Variants in PHF2 observed in about 807,000 individuals in gnomAD.
The protein encoded by PHF2 is PHD finger protein 2.
In PHF2, 27 loss-of-function variants were observed where a neutral mutation model predicts 120.5. The observed-to-expected ratio is 0.22, with a 90% CI of 0.17 to 0.31. The LOEUF is 0.31. Among genes scored for constraint, PHF2 ranks in the 10% least tolerant of loss-of-function variants. The pLI is 1.00. For synonymous variants in PHF2, 568 were observed against 592.5 expected (o/e 0.96, Z 0.60); for missense variants, 1,024 against 1,434.8 (o/e 0.71, Z 4.63).
chr9:93,635,268 A>G (rs1826071619), intron 2 of PHF2, among the ~76,000 whole-genome samples: 1 of 151,970 alleles, frequency 6.6e-6, no homozygotes, highest in Non-Finnish European at 1.5e-5. Context: ...GCTCAGAGAC[A>G]GGCATTGTCA....
intron 2 of PHF2, among the ~76,000 whole-genome samples, chr9:93,631,606 A>G (rs956967736): frequency 3.3e-5 from 5 of 152,294 alleles, no homozygotes; most frequent in African/African-American, 4.8e-5. Context: ...TGGCACCTCA[A>G]TGAGCCCACC....
chr9:93,677,076 C>T lies in PHF2; in HGVS notation c.3202+113C>T, dbSNP rs1826931692. On this transcript the variant is annotated intron_variant, in intron 21 of 21. Coordinates refer to ENST00000359246, the MANE Select transcript of PHF2 (RefSeq NM_005392.4). This position sits in a 1 kb window ranked among gnomAD's most constrained non-coding sequence, Gnocchi z 4.4. The stretch of plus-strand genomic sequence containing the variant: ...AGAGGGCAGCACATTGGGAGGGCTC[C>T]TGGGCCTTGGGTGGCAGGGTGCTGT... 2.5e-6 allele frequency: 3 copies of T among 1,221,580 alleles called. No individual in the cohort carries two copies. The highest frequency in any genetic ancestry group is 5.2e-5 in the East Asian group (2 of 38,504). The allele number at this position is 1,221,580 out of a possible 1,614,324, so 75.7% of individuals were successfully genotyped here.
At chr9:93,638,898 T>G (rs1159680070) in intron 3 of PHF2, among the ~76,000 whole-genome samples, 4 of 152,168 alleles carry the variant, frequency 2.6e-5, no homozygotes, top group Non-Finnish European at 4.4e-5. Flanking sequence ...TTTTGTAGTT[T>G]TAGTAGAGAC....
At position 93,656,431 on chromosome 9, in the gene PHF2, C is replaced by T. The variant is rs1272702916; in HGVS notation, c.1041-58C>T. On this transcript the variant is annotated intron_variant, in intron 8 of 21. Transcript: ENST00000359246. This position sits in a 1 kb window ranked among gnomAD's most constrained non-coding sequence, Gnocchi z 4.1. ...GGTGTGTCTGGGGCCTGGATTGATGCCCAGCGTCGCCTGCTTGATGGTCAG... is the reference window on the plus strand; with the variant it reads ...GGTGTGTCTGGGGCCTGGATTGATGTCCAGCGTCGCCTGCTTGATGGTCAG... 4 of 1,209,962 alleles carry T rather than the reference C, an allele frequency of 3.3e-6. No individual in the cohort carries two copies. The highest frequency in any genetic ancestry group is 4.7e-5 in the East Asian group (2 of 42,762). 75.0% of individuals were successfully genotyped at this position (1,209,962 alleles called of 1,614,324 possible). A position where few individuals can be genotyped will look rare whatever the true frequency, so the allele number is the denominator to read the frequency against.
chr9:93,663,587 A>G lies in PHF2; in HGVS notation c.1889A>G (p.Asn630Ser). 2 of 1,613,544 alleles carry G rather than the reference A, an allele frequency of 1.2e-6. No individual in the cohort carries two copies. The highest frequency in any genetic ancestry group is 1.7e-6 in the Non-Finnish European group (2 of 1,179,660). ...CTAGAGAAGTCGCCTCTAGCTGGAA[A>G]CAAAGACAATAAGTTCTCTTTTTCT... ...QKLEKSPLAGNKDNKFSFSFS... is the reference protein window; with the variant it reads ...QKLEKSPLAGSKDNKFSFSFS... The change falls in exon 14 of 22, where the codon AAC becomes AGC. Residue 630 changes from asparagine (N) to serine (S), a missense_variant. By Grantham distance (46) the Asn-to-Ser change is conservative (BLOSUM62 1). Coordinates refer to ENST00000359246, the MANE Select transcript of PHF2 (RefSeq NM_005392.4).
At chr9:93,641,191 A>G (rs1826166950) in intron 3 of PHF2, among the ~76,000 whole-genome samples, 1 of 152,202 alleles carries the variant, frequency 6.6e-6, no homozygotes, top group African/African-American at 2.4e-5. Context: ...GAGGTCGCCA[A>G]ATGCTTTCCC....
At chr9:93,596,567 G>T (rs980338239) in intron 1 of PHF2, among the ~76,000 whole-genome samples, 3 of 151,968 alleles carry the variant, frequency 2.0e-5, no homozygotes, top group African/African-American at 7.3e-5. Context: ...GGCAGGGCTC[G>T]AGTGCTACTC....
chr9:93,669,635 C>T (rs553736686), intron 17 of PHF2, among the ~76,000 whole-genome samples: 127 of 152,322 alleles, frequency 8.3e-4, no homozygotes, highest in African/African-American at 2.9e-3. Flanking sequence ...GGGCGCCTGC[C>T]CCGGCACTGG....
In PHF2 at chr9:93,649,212, G is replaced by C. The variant is rs377421787; in HGVS notation, c.602G>C (p.Arg201Pro). ...ACCAACCTCGAGTTCTCTGACACCCGGTGAGTGCTACCACCCTGGGGGTGT... is the reference window on the plus strand; with the variant it reads ...ACCAACCTCGAGTTCTCTGACACCCCGTGAGTGCTACCACCCTGGGGGTGT... Reference protein sequence around the residue: ...NVTNLEFSDTRMSSFVEPPDI... With the variant: ...NVTNLEFSDTPMSSFVEPPDI... Residue 201 changes from arginine (R) to proline (P), a missense_variant and splice_region_variant, in exon 5 of 22, where the codon CGA becomes CCA. Around this residue, in one of 2 missense-constraint regions of PHF2, gnomAD observed 347 missense variants for 577.4 expected, o/e 0.60. Transcript: ENST00000359246. The C allele has an allele frequency of 1.9e-6, 3 of 1,551,112 alleles. No individual in the cohort carries two copies. The highest frequency in any genetic ancestry group is 1.7e-6 in the Non-Finnish European group (2 of 1,146,846).
intron 10 of PHF2, 45 bp from the exon 11 acceptor site, chr9:93,659,466 C>T: frequency 1.3e-6 from 2 of 1,518,466 alleles, no homozygotes; most frequent in Non-Finnish European, 1.8e-6. Flanking sequence ...AAGTCAGGAC[C>T]ACGGGAGGTG....
intron 1 of PHF2, among the ~76,000 whole-genome samples, chr9:93,616,165 G>A (rs1825726923): frequency 6.6e-6 from 1 of 152,138 alleles, no homozygotes; most frequent in South Asian, 2.1e-4. Context: ...AGCACATCAT[G>A]CCCTGGTTAC....
At chr9:93,603,647 C>T (rs1361006912) in intron 1 of PHF2, among the ~76,000 whole-genome samples, 1 of 152,134 alleles carries the variant, frequency 6.6e-6, no homozygotes, top group East Asian at 1.9e-4. Context: ...GGGGATCTGA[C>T]CTCAATCTGC....
intron 3 of PHF2, among the ~76,000 whole-genome samples, chr9:93,637,236 A>C (rs1319087263): frequency 6.6e-6 from 1 of 152,134 alleles, no homozygotes; most frequent in Non-Finnish European, 1.5e-5. Context: ...AATCCAATGG[A>C]ACTCTTGTTC....
chr9:93,640,210 C>A (rs1200455287), intron 3 of PHF2, among the ~76,000 whole-genome samples: 1 of 151,918 alleles, frequency 6.6e-6, no homozygotes, highest in Non-Finnish European at 1.5e-5. Context: ...CTTTTTGGAT[C>A]TTTGGTTTCA....
chr9:93,645,666 C>G lies in PHF2; in HGVS notation c.337C>G (p.Leu113Val). The change falls in exon 4 of 22, where the codon CTC becomes GTC. Residue 113 changes from leucine (L) to valine (V), a missense_variant. Coordinates refer to ENST00000359246, the MANE Select transcript of PHF2 (RefSeq NM_005392.4). ...GGTGGCCCGTGTGCCAGGAAGTCAGCTCACGCTGGGCTACATGGAGGAGCA... is the reference window on the plus strand; with the variant it reads ...GGTGGCCCGTGTGCCAGGAAGTCAGGTCACGCTGGGCTACATGGAGGAGCA... ...DVVARVPGSQLTLGYMEEHGF... is the reference protein window; with the variant it reads ...DVVARVPGSQVTLGYMEEHGF... The G allele has an allele frequency of 6.2e-7, 1 of 1,610,354 alleles. No homozygotes were observed. The highest frequency in any genetic ancestry group is 8.5e-7 in the Non-Finnish European group (1 of 1,177,758).
chr9:93,591,122 T>C (rs889943088), intron 1 of PHF2, among the ~76,000 whole-genome samples: 1 of 152,186 alleles, frequency 6.6e-6, no homozygotes, highest in African/African-American at 2.4e-5. Context: ...CCGTGCCTCC[T>C]GTGACCCATG....
chr9:93,635,187 G>T (rs1036368940), intron 2 of PHF2, among the ~76,000 whole-genome samples: 3 of 152,124 alleles, frequency 2.0e-5, no homozygotes, highest in African/African-American at 7.2e-5. Context: ...TGAACACAAT[G>T]CGAAGATTCT....
intron 1 of PHF2, among the ~76,000 whole-genome samples, chr9:93,622,472 G>A (rs1052209089): frequency 1.3e-5 from 2 of 152,184 alleles, no homozygotes; most frequent in African/African-American, 2.4e-5. Flanking sequence ...CAGCTGCAGC[G>A]TCATCACAGT....
intron 1 of PHF2, among the ~76,000 whole-genome samples, chr9:93,599,954 G>A (rs1008399600): frequency 1.1e-4 from 16 of 152,224 alleles, no homozygotes; most frequent in African/African-American, 1.9e-4. Context: ...AAGATAGGAC[G>A]TCCACGGCCC....
Sources: allele counts gnomAD v4.1 joint callset (sites outside exome capture counted in the v4.1 genomes callset), GRCh38; gene constraint gnomAD v4.1.1; regional missense constraint gnomAD v4.1.1; non-coding constraint Gnocchi (gnomAD v3.1); transcripts MANE v1.5; gene names NCBI Gene and HGNC (gene_info 2026-07-23, HGNC 2026-07-21).